KIF21A: variants seen among roughly 807,000 people sequenced by gnomAD.
KIF21A encodes the protein kinesin-like protein KIF21A.
Under a neutral mutation model 202.9 loss-of-function variants are expected in KIF21A, and 114 were observed. The observed-to-expected ratio is 0.56, with a 90% CI of 0.48 to 0.66. KIF21A has a LOEUF of 0.66. KIF21A is among the 30% of genes least tolerant of loss of function. KIF21A has a pLI of 0.00. For synonymous variants in KIF21A, 667 were observed against 670.8 expected (o/e 0.99, Z 0.09); for missense variants, 1,677 against 1,994.9 (o/e 0.84, Z 3.04).
intron 23 of KIF21A, 112 bp downstream of exon 23, chr12:39,330,634 G>T: frequency 1.1e-6 from 1 of 904,034 alleles, no homozygotes; most frequent in Non-Finnish European, 1.8e-6. Flanking sequence ...AAAAGCATGA[G>T]TAAATATAGC....
intron 32 of KIF21A, among the ~76,000 whole-genome samples, chr12:39,310,644 C>G (rs1353918523): frequency 6.6e-6 from 1 of 151,986 alleles, no homozygotes. Flanking sequence ...ATTCTGTAAT[C>G]TTGATTATTC....
intron 26 of KIF21A, among the ~76,000 whole-genome samples, chr12:39,323,163 C>T (rs1280081252): frequency 6.6e-6 from 1 of 152,016 alleles, no homozygotes; most frequent in Non-Finnish European, 1.5e-5. Flanking sequence ...ATCATTATCT[C>T]AATTCCAAAT....
At chr12:39,298,209 G>A (rs1942600257) in intron 37 of KIF21A, among the ~76,000 whole-genome samples, 1 of 152,182 alleles carries the variant, frequency 6.6e-6, no homozygotes, top group South Asian at 2.1e-4. Flanking sequence ...ACAGCAAAGG[G>A]AGAGGGAACC....
At chr12:39,344,106 A>G (rs1161319438) in intron 12 of KIF21A, among the ~76,000 whole-genome samples, 2 of 152,196 alleles carry the variant, frequency 1.3e-5, no homozygotes, top group Non-Finnish European at 2.9e-5. Context: ...GGATGGAGAA[A>G]AATGTGCTTG....
chr12:39,334,200 C>CAAAA (rs576176350), intron 17 of KIF21A, among the ~76,000 whole-genome samples: 356 of 59,650 alleles, frequency 6.0e-3, no homozygotes, highest in Non-Finnish European at 8.0e-3. Flanking sequence ...GACTCCATCT[C>CAAAA]AAAAAAAAAA....
rs772136744 is a variant in KIF21A, at chr12:39,332,576, C to G, written c.2856+15G>C. The stretch of plus-strand genomic sequence containing the variant: ...TTAGCTAAGGGGGAGCGTATCTACT[C>G]TCTATTTTCCACACCTTGAGGAGTC... On this transcript the variant is annotated intron_variant, in intron 20 of 37. Transcript: ENST00000361418. 6.3e-7 allele frequency: 1 copy of G among 1,599,720 alleles called. No homozygotes were observed. The highest frequency in any genetic ancestry group is 1.7e-5 in the Admixed American group (1 of 58,174).
rs1949851973 is a variant in KIF21A, at chr12:39,370,082, C to G, written c.224G>C (p.Gly75Ala). 10 of 1,613,832 alleles carry G rather than the reference C, an allele frequency of 6.2e-6. No homozygotes were observed. Among genetic ancestry groups the G allele is most frequent in the Non-Finnish European group, 8.5e-6 (10 of 1,179,832 alleles). The change falls in exon 2 of 38, where the codon GGT becomes GCT. Residue 75 changes from glycine to alanine, a missense_variant. Gly to Ala is a moderately conservative substitution (Grantham distance 60). Coordinates refer to ENST00000361418, the MANE Select transcript of KIF21A (RefSeq NM_001173464.2). The stretch of plus-strand genomic sequence containing the variant: ...TGTAGCATTGTATCCTTCAAAGCAA[C>G]CTTCAATTAGTTTTTCTATACATTG... ...YIQCIEKLIE[G>A]CFEGYNATVF...
At chr12:39,389,266 T>A (rs1400982782) in intron 1 of KIF21A, among the ~76,000 whole-genome samples, 2 of 151,820 alleles carry the variant, frequency 1.3e-5, no homozygotes, top group African/African-American at 2.4e-5. Context: ...GAAAAATAGT[T>A]AATAATATTG....
chr12:39,416,795 ATATGTACATATATATGTGTG>A (rs1167899381), intron 1 of KIF21A, among the ~76,000 whole-genome samples: 14 of 118,990 alleles, frequency 1.2e-4, no homozygotes, highest in African/African-American at 3.2e-4. Context: ...ATGTGTATAT[ATATGTACATATATATGTGTG>A]TATATATGTA....
intron 6 of KIF21A, among the ~76,000 whole-genome samples, chr12:39,364,320 A>T (rs1456206137): frequency 6.6e-6 from 1 of 151,994 alleles, no homozygotes; most frequent in Non-Finnish European, 1.5e-5. Flanking sequence ...TAATACTGAA[A>T]CTCTACTAGA....
chr12:39,437,413 A>G (rs1170910203), intron 1 of KIF21A, among the ~76,000 whole-genome samples: 2 of 152,190 alleles, frequency 1.3e-5, no homozygotes, highest in Non-Finnish European at 2.9e-5. Context: ...AAATTATTTC[A>G]TTGACTTTCT....
At chr12:39,422,259 C>A (rs1404860210) in intron 1 of KIF21A, among the ~76,000 whole-genome samples, 3 of 152,050 alleles carry the variant, frequency 2.0e-5, no homozygotes, top group African/African-American at 7.2e-5. Context: ...CCATGCCCAG[C>A]CGCAAACAGT....
At chr12:39,401,059 C>A (rs913965168) in intron 1 of KIF21A, among the ~76,000 whole-genome samples, 2 of 152,130 alleles carry the variant, frequency 1.3e-5, no homozygotes, top group African/African-American at 2.4e-5. Context: ...ACGCTTGACA[C>A]TTGTAAGACA....
chr12:39,383,464 T>G (rs1037968904), intron 1 of KIF21A, among the ~76,000 whole-genome samples: 3 of 152,202 alleles, frequency 2.0e-5, no homozygotes, highest in East Asian at 3.8e-4. Context: ...ATAAAAATTG[T>G]TTCCAGAAAA....
At chr12:39,356,062 G>T (rs1189247705) in intron 10 of KIF21A, among the ~76,000 whole-genome samples, 1 of 152,128 alleles carries the variant, frequency 6.6e-6, no homozygotes, top group African/African-American at 2.4e-5. Flanking sequence ...GCTCCCCCAT[G>T]GAGCTGACTG....
intron 1 of KIF21A, among the ~76,000 whole-genome samples, chr12:39,425,446 A>G (rs1954668533): frequency 6.6e-6 from 1 of 152,220 alleles, no homozygotes. Context: ...GTTAAAGACC[A>G]GAGCTATGTG....
At chr12:39,312,174 G>A (rs879189457) in intron 31 of KIF21A, 6 of 152,162 alleles carry the variant, frequency 3.9e-5, no homozygotes, top group Non-Finnish European at 7.3e-5. Flanking sequence ...ACACACAATG[G>A]AGTACTATTT....
rs781214904 is a variant in KIF21A, at chr12:39,309,586, G to A, written c.4277C>T (p.Thr1426Met). The A allele has an allele frequency of 1.1e-4, 179 of 1,603,192 alleles. No individual in the cohort carries two copies. Among genetic ancestry groups the A allele is most frequent in the Non-Finnish European group, 1.4e-4 (170 of 1,174,200 alleles). The change falls in exon 33 of 38, where the codon ACG (threonine) becomes ATG (methionine). Residue 1426 changes from threonine to methionine, a missense_variant and splice_region_variant. By Grantham distance (81) the Thr-to-Met change is moderately conservative. Transcript: ENST00000361418. ...TGCTATATGTCTTCAAGTTACTTAC[G>A]TTAGTGTTCGAATGCACTTTGCTGA... ...RDSAKCIRTL[T>M]SSGQVTLGDA... is the part of the protein sequence containing the mutation.
chr12:39,332,482 C>G, intron 20 of KIF21A, 74 bp from the exon 21 acceptor site: 1 of 1,476,778 alleles, frequency 6.8e-7, no homozygotes, highest in Non-Finnish European at 9.4e-7. Context: ...AACCCCCCCA[C>G]CCCCCAAAAA....
Sources: allele counts gnomAD v4.1 joint callset (sites outside exome capture counted in the v4.1 genomes callset), GRCh38; gene constraint gnomAD v4.1.1; transcripts MANE v1.5; gene names NCBI Gene and HGNC (gene_info 2026-07-23, HGNC 2026-07-21).